Variants in MRPL1 observed in about 807,000 individuals in gnomAD.
MRPL1 encodes the protein large ribosomal subunit protein uL1m.
MRPL1 carries 28 observed loss-of-function variants against 38.0 expected under a neutral mutation model. The observed-to-expected ratio is 0.74, with a 90% CI of 0.55 to 1.01. The LOEUF (loss-of-function observed/expected upper bound fraction) is 1.01, where lower values mean the gene tolerates loss of function less well. Among genes scored for constraint, MRPL1 ranks in the 50% least tolerant of loss-of-function variants. The probability of loss-of-function intolerance (pLI) is 0.00; values close to 1 mark genes in which losing one functional copy is unlikely to be tolerated. For synonymous variants in MRPL1, 123 were observed against 126.7 expected, an observed-to-expected ratio of 0.97 and a Z score of 0.20; for missense variants, 358 against 389.8, an observed-to-expected ratio of 0.92 and a Z score of 0.69.
chr4:77,945,203 C>T (rs1158109132), intron 7 of MRPL1, among the ~76,000 whole-genome samples: 2 of 150,144 alleles, frequency 1.3e-5, no homozygotes, highest in African/African-American at 2.4e-5. Flanking sequence ...ATGTAGGAGA[C>T]ATACAGATAA....
rs1278059011 is a variant in MRPL1 at position 77,908,174 on chromosome 4, T to G, written c.671-1092T>G. On this transcript the variant is annotated intron_variant, in intron 6 of 8. Coordinates refer to ENST00000315567, the MANE Select transcript of MRPL1 (RefSeq NM_020236.4). ...TGCTAAATGTTTCTGCTTTTTAGTT[T>G]TTTTTTTCTTTCACTTCTTTATGGT... is the stretch of plus-strand genomic sequence containing the variant. Among the ~76,000 whole-genome samples, 6 of 152,096 alleles carry G rather than the reference T, an allele frequency of 3.9e-5. 1 individual carries two copies. The highest frequency in any genetic ancestry group is 1.4e-4 in the African/African-American group (6 of 41,418).
intron 5 of MRPL1, among the ~76,000 whole-genome samples, chr4:77,892,613 C>T (rs1735831865): frequency 6.6e-6 from 1 of 152,170 alleles, no homozygotes; most frequent in South Asian, 2.1e-4. Context: ...TATAGCATAA[C>T]TTCCAAACAT....
At chr4:77,881,181 A>G (rs1735530401) in intron 2 of MRPL1, among the ~76,000 whole-genome samples, 1 of 152,188 alleles carries the variant, frequency 6.6e-6, no homozygotes, top group African/African-American at 2.4e-5. Context: ...TAGTGGGAGG[A>G]ACAGCAAAGT....
chr4:77,871,451 C>T (rs529633288), intron 1 of MRPL1, among the ~76,000 whole-genome samples: 3 of 152,010 alleles, frequency 2.0e-5, no homozygotes, highest in Admixed American at 6.5e-5. Flanking sequence ...ACTACAGGTT[C>T]GTGCCACCAT....
intron 3 of MRPL1, among the ~76,000 whole-genome samples, chr4:77,883,825 T>C (rs1316213837): frequency 1.3e-5 from 2 of 152,130 alleles, no homozygotes; most frequent in African/African-American, 4.8e-5. Flanking sequence ...CACTCTGCGC[T>C]CCTTGGCCTC....
At chr4:77,882,427 G>C (rs1735567394) in intron 2 of MRPL1, among the ~76,000 whole-genome samples, 1 of 152,124 alleles carries the variant, frequency 6.6e-6, no homozygotes, top group South Asian at 2.1e-4. Flanking sequence ...ATCAGTTTTA[G>C]AGCATTTTCA....
intron 7 of MRPL1, among the ~76,000 whole-genome samples, chr4:77,949,134 A>C (rs1332335000): frequency 6.6e-6 from 1 of 152,220 alleles, no homozygotes; most frequent in African/African-American, 2.4e-5. Context: ...TGAATGTAAT[A>C]TAACGGATTT....
At chr4:77,946,684 C>T (rs1485770773) in intron 7 of MRPL1, among the ~76,000 whole-genome samples, 1 of 152,200 alleles carries the variant, frequency 6.6e-6, no homozygotes, top group African/African-American at 2.4e-5. Flanking sequence ...AGTCCCTCCC[C>T]TCCATTCAGG....
At chr4:77,941,588 TC>T (rs1203678410) in intron 7 of MRPL1, among the ~76,000 whole-genome samples, 2 of 152,194 alleles carry the variant, frequency 1.3e-5, no homozygotes, top group Non-Finnish European at 2.9e-5. Flanking sequence ...TTCTATTTCT[TC>T]CTGGTTTAAT....
chr4:77,921,210 A>G (rs1297491471), intron 7 of MRPL1, among the ~76,000 whole-genome samples: 1 of 152,248 alleles, frequency 6.6e-6, no homozygotes, highest in Admixed American at 6.5e-5. Flanking sequence ...ACATGTACAC[A>G]CATTCTGAAT....
At chr4:77,863,100 G>A in intron 1 of MRPL1, 2 of 589,272 alleles carry the variant, frequency 3.4e-6, no homozygotes, top group Non-Finnish European at 5.9e-6. Context: ...GTGGGAGCGG[G>A]ACGTACATCG....
At chr4:77,877,122 ACT>A (rs1000700277) in intron 2 of MRPL1, among the ~76,000 whole-genome samples, 2 of 151,904 alleles carry the variant, frequency 1.3e-5, no homozygotes, top group Admixed American at 1.3e-4. Context: ...CTGGTCTCGA[ACT>A]CCTGACCTCA....
intron 6 of MRPL1, among the ~76,000 whole-genome samples, chr4:77,908,853 C>T (rs1736222453): frequency 6.6e-6 from 1 of 152,168 alleles, no homozygotes; most frequent in Non-Finnish European, 1.5e-5. Context: ...ACACAGTTGG[C>T]AGAATTCAGT....
At chr4:77,903,740 A>G (rs1371921451) in intron 6 of MRPL1, among the ~76,000 whole-genome samples, 1 of 152,208 alleles carries the variant, frequency 6.6e-6, no homozygotes, top group Non-Finnish European at 1.5e-5. Flanking sequence ...GCTGTGCAAG[A>G]CCTTTTCATA....
rs773639411 is a variant in MRPL1 at position 77,949,834 on chromosome 4, A to G, written c.815A>G (p.Gln272Arg). Residue 272 changes from glutamine to arginine, a missense_variant, in exon 8 of 9, where the codon CAA becomes CGA. Coordinates refer to ENST00000315567, the MANE Select transcript of MRPL1 (RefSeq NM_020236.4). ...AGTGACCAGATAGCTGCCAATCTGC[A>G]AGCAGTTATTAATGAAGTTTGTAGG... ...MSSDQIAANL[Q>R]AVINEVCRHR... The G allele has an allele frequency of 1.4e-5, 23 of 1,611,458 alleles. No homozygotes were observed. The Admixed American group carries it at 3.9e-4, about 27-fold the overall frequency.
chr4:77,865,829 A>G (rs550680425), intron 1 of MRPL1, among the ~76,000 whole-genome samples: 17 of 152,274 alleles, frequency 1.1e-4, no homozygotes, highest in African/African-American at 3.6e-4. Flanking sequence ...TCTACTGTCA[A>G]TGAGTAGTGA....
At chr4:77,884,938 C>G (rs1010995289) in intron 3 of MRPL1, among the ~76,000 whole-genome samples, 1 of 151,924 alleles carries the variant, frequency 6.6e-6, no homozygotes, top group Non-Finnish European at 1.5e-5. Context: ...ATTTGAGAGA[C>G]TGTGATGAAT....
rs1472012826 is a variant in MRPL1, at chr4:77,877,878, CT to C, written c.144-5360del. Among the ~76,000 whole-genome samples the C allele has an allele frequency of 5.3e-5, 8 of 150,518 alleles. 1 individual carries two copies. The highest frequency in any genetic ancestry group is 1.2e-4 in the Non-Finnish European group (8 of 67,736). The stretch of plus-strand genomic sequence containing the variant: ...AGACACAGTGCGTGTTTACCTGTGC[CT>C]TTTCCTGTGTGCCTGCAACTGGCTG... On this transcript the variant is annotated intron_variant, in intron 2 of 8. Transcript: ENST00000315567.
At chr4:77,935,931 C>CA (rs33923654) in intron 7 of MRPL1, among the ~76,000 whole-genome samples, 72,918 of 121,362 alleles carry the variant, frequency 0.6, 19,421 homozygotes, top group African/African-American at 0.64. Context: ...GACTATGTCT[C>CA]AAAAAAAAAA....
Sources: gnomAD v4.1 joint callset for allele counts (sites outside exome capture counted in the v4.1 genomes callset) on GRCh38, gnomAD v4.1.1 for gene constraint, MANE v1.5 for transcripts, NCBI Gene and HGNC (gene_info 2026-07-23, HGNC 2026-07-21) for gene names.